NME2: variants seen among roughly 807,000 people sequenced by gnomAD.
NME2 encodes the protein nucleoside diphosphate kinase B.
In NME2, 18 loss-of-function variants were observed where a neutral mutation model predicts 17.8. That is an observed-to-expected ratio of 1.01 (90% CI 0.70 to 1.50). The LOEUF (loss-of-function observed/expected upper bound fraction) is 1.50. NME2 is among the 40% of genes most tolerant of loss of function. NME2 has a pLI of 0.00. For synonymous variants in NME2, 74 were observed against 71.4 expected (o/e 1.04, Z -0.19); for missense variants, 161 against 195.6 (o/e 0.82, Z 1.05).
intron 2 of NME2, chr17:51,167,306 T>C: frequency 3.0e-6 from 1 of 331,794 alleles, no homozygotes; most frequent in Non-Finnish European, 5.7e-6. Context: ...AGGCACAGAA[T>C]GGAGGCTTGG....
intron 2 of NME2, chr17:51,167,280 C>T (rs2049966756): frequency 5.3e-6 from 2 of 379,062 alleles, no homozygotes; most frequent in Admixed American, 8.3e-5. Context: ...CTGCGCCTGC[C>T]CACTCGGGTC....
At chr17:51,170,136 T>C in intron 4 of NME2, 87 bp downstream of exon 4, 2 of 972,132 alleles carry the variant, frequency 2.1e-6, no homozygotes, top group Non-Finnish European at 2.9e-6. Flanking sequence ...CAGAAGAATC[T>C]GTGCCCTTTT....
intron 1 of NME2, 22 bp from the exon 2 acceptor site, chr17:51,166,805 G>C: frequency 6.3e-7 from 1 of 1,597,594 alleles, no homozygotes; most frequent in East Asian, 2.3e-5. Context: ...CCCGGGCCCT[G>C]ACCGCACCTC....
At chr17:51,166,259 C>T (rs1245986525), upstream of NME2, 1 of 152,284 alleles carries the variant, frequency 6.6e-6, no homozygotes, top group African/African-American at 2.4e-5. Context: ...GTCTCTGGAT[C>T]CGTCTCGATC....
chr17:51,167,094 GGCGGCTTGGGCCC>G, intron 2 of NME2, 138 bp downstream of exon 2: 9 of 1,534,670 alleles, frequency 5.9e-6, no homozygotes, highest in Non-Finnish European at 7.9e-6. Flanking sequence ...CCCCGCCCAC[GGCGGCTTGGGCCC>G]GCCGACCCTT....
rs777392074 is a variant in NME2, at chr17:51,169,971, G to T, written c.263G>T (p.Arg88Leu). Residue 88 changes from arginine (R) to leucine (L), a missense_variant, in exon 4 of 5, where the codon CGA (arginine) becomes CTA (leucine). Transcript: ENST00000512737. ...WEGLNVVKTG[R>L]VMLGETNPAD... ...GGGCTGAACGTGGTGAAGACAGGCC[G>T]AGTGATGCTTGGGGAGACCAATCCA... 7 of 1,613,492 alleles carry T rather than the reference G, an allele frequency of 4.3e-6. No individual in the cohort carries two copies. The highest frequency in any genetic ancestry group is 5.9e-6 in the Non-Finnish European group (7 of 1,179,836).
rs1407322441 is a variant in NME2 at position 51,166,949 on chromosome 17, T to G, written c.119T>G (p.Phe40Cys). ...GGATTCCGCCTCGTGGCCATGAAGT[T>G]CCTCCGGGTAACTCGCCCCCGTCTC... is the stretch of plus-strand genomic sequence containing the variant. ...QKGFRLVAMK[F>C]LRASEEHLKQ... is the part of the protein sequence containing the mutation. Residue 40 changes from phenylalanine (F) to cysteine (C), a missense_variant, in exon 2 of 5, where the codon TTC becomes TGC. By Grantham distance (205) the Phe-to-Cys change is radical. Coordinates refer to ENST00000512737, the MANE Select transcript of NME2 (RefSeq NM_002512.4). The G allele has an allele frequency of 1.9e-6, 3 of 1,613,520 alleles. No individual in the cohort carries two copies. The highest frequency in any genetic ancestry group is 2.5e-6 in the Non-Finnish European group (3 of 1,179,790).
At position 51,171,212 on chromosome 17, in the gene NME2, T is replaced by C. The variant is rs536333702; in HGVS notation, c.342-275T>C. Among the ~76,000 whole-genome samples, 5 of 152,274 alleles carry C rather than the reference T, an allele frequency of 3.3e-5. No homozygotes were observed. The South Asian group carries it at 1.0e-3, about 32-fold the overall frequency. On this transcript the variant is annotated intron_variant, in intron 4 of 4. Transcript: ENST00000512737. ...ATTTTCCAAAATTTGCGGAGGAGTGTTTTATGTCTTCGGCAATCTTGGGGT... is the reference window on the plus strand; with the variant it reads ...ATTTTCCAAAATTTGCGGAGGAGTGCTTTATGTCTTCGGCAATCTTGGGGT...
In NME2 at chr17:51,167,218, A is replaced by G. The variant is rs912334781; in HGVS notation, c.126+262A>G. 7 of 635,276 alleles carry G rather than the reference A, an allele frequency of 1.1e-5. No homozygotes were observed. The South Asian group carries it at 1.5e-4, about 13-fold the overall frequency. 39.4% of individuals were successfully genotyped at this position (635,276 alleles called of 1,614,324 possible). On this transcript the variant is annotated intron_variant, in intron 2 of 4. Transcript: ENST00000512737. ...CCTTCCCGCGGGCCGCTACCTGCCC[A>G]CCCGCCGCAGGGGGGCAGCAGGGAG...
At chr17:51,169,095 T>C (rs962909918) in intron 3 of NME2, among the ~76,000 whole-genome samples, 4 of 152,190 alleles carry the variant, frequency 2.6e-5, no homozygotes, top group Admixed American at 6.5e-5. Flanking sequence ...AATCCTATAC[T>C]AGAAGCAGTT....
At chr17:51,169,806 C>T (rs1370292500) in intron 3 of NME2, 131 bp from the exon 4 acceptor site, 16 of 789,586 alleles carry the variant, frequency 2.0e-5, no homozygotes, top group Non-Finnish European at 3.3e-5. Context: ...CCCCTACTCT[C>T]TGCTGGGGTT....
intron 2 of NME2, among the ~76,000 whole-genome samples, chr17:51,167,540 G>T (rs913423468): frequency 1.3e-5 from 2 of 152,168 alleles, no homozygotes; most frequent in Non-Finnish European, 2.9e-5. Flanking sequence ...TAGCCCAGGG[G>T]AGTTTAACAT....
intron 2 of NME2, among the ~76,000 whole-genome samples, chr17:51,167,547 A>T (rs2049973796): frequency 6.6e-6 from 1 of 152,174 alleles, no homozygotes; most frequent in African/African-American, 2.4e-5. Flanking sequence ...GGGGAGTTTA[A>T]CATGACCTCT....
chr17:51,166,574 T>G, intron 1 of NME2, 77 bp downstream of exon 1: 1 of 260,386 alleles, frequency 3.8e-6, no homozygotes, highest in Non-Finnish European at 7.1e-6. Context: ...GTGGGCCCGG[T>G]CTGTGGGCGC....
intron 4 of NME2, among the ~76,000 whole-genome samples, chr17:51,170,423 A>G (rs556182044): frequency 1.3e-5 from 2 of 152,040 alleles, no homozygotes; most frequent in Admixed American, 6.6e-5. Context: ...TACAGACATG[A>G]GCCACCGCAC....
At chr17:51,169,876 G>A in intron 3 of NME2, 61 bp from the exon 4 acceptor site, 1 of 1,496,978 alleles carries the variant, frequency 6.7e-7, no homozygotes, top group Non-Finnish European at 9.3e-7. Flanking sequence ...AGGAGTAAAT[G>A]TTAGACCCTA....
At chr17:51,171,057 A>G (rs1476980626) in intron 4 of NME2, among the ~76,000 whole-genome samples, 4 of 152,210 alleles carry the variant, frequency 2.6e-5, no homozygotes, top group Non-Finnish European at 4.4e-5. Context: ...TTTTATTAAT[A>G]AGCAGTGTTA....
At chr17:51,167,127 G>A (rs2049961366) in intron 2 of NME2, 171 bp downstream of exon 2, 1 of 1,410,192 alleles carries the variant, frequency 7.1e-7, no homozygotes, top group African/African-American at 1.5e-5. Flanking sequence ...TTCCCGGGGT[G>A]GTGGGGACAG....
intron 2 of NME2, among the ~76,000 whole-genome samples, chr17:51,167,790 G>A (rs2049979991): frequency 1.3e-5 from 2 of 152,152 alleles, no homozygotes; most frequent in Admixed American, 1.3e-4. Flanking sequence ...ATCAGCCTGA[G>A]CCACATAGCA....
Sources: gnomAD v4.1 joint callset for allele counts (sites outside exome capture counted in the v4.1 genomes callset) on GRCh38, gnomAD v4.1.1 for gene constraint, MANE v1.5 for transcripts, NCBI Gene and HGNC (gene_info 2026-07-23, HGNC 2026-07-21) for gene names.